OPCML: variants seen among roughly 807,000 people sequenced by gnomAD.
OPCML encodes opioid-binding protein/cell adhesion molecule.
In OPCML, 13 loss-of-function variants were observed where a neutral mutation model predicts 37.8. The observed-to-expected ratio is 0.34, with a 90% confidence interval of 0.22 to 0.55. The LOEUF (loss-of-function observed/expected upper bound fraction) is 0.55. Among genes scored for constraint, OPCML ranks in the 20% least tolerant of loss-of-function variants. The pLI, the probability that OPCML is intolerant of heterozygous loss-of-function variation, is 0.91. For missense variants in OPCML, 341 were observed against 435.6 expected (o/e 0.78, Z 1.93); for synonymous variants, 176 against 168.8 (o/e 1.04, Z -0.33).
At chr11:133,145,022 G>A (rs908514784) in intron 1 of OPCML, among the ~76,000 whole-genome samples, 1 of 152,218 alleles carries the variant, frequency 6.6e-6, no homozygotes, top group African/African-American at 2.4e-5. Flanking sequence ...GGCCAGATGG[G>A]AGCTGAGTCT....
intron 1 of OPCML, among the ~76,000 whole-genome samples, chr11:133,000,482 G>A (rs1161011424): frequency 6.6e-6 from 1 of 152,196 alleles, no homozygotes; most frequent in African/African-American, 2.4e-5. Context: ...CCTTGACCAA[G>A]CCAAGTACTT....
chr11:132,782,740 G>T (rs1267675445), intron 2 of OPCML, among the ~76,000 whole-genome samples: 1 of 151,852 alleles, frequency 6.6e-6, no homozygotes, highest in Non-Finnish European at 1.5e-5. Context: ...GGCTGAAGCG[G>T]AGTCATAGAA....
chr11:133,083,518 C>T (rs1450737796), intron 1 of OPCML, among the ~76,000 whole-genome samples: 1 of 152,246 alleles, frequency 6.6e-6, no homozygotes, highest in Non-Finnish European at 1.5e-5. Flanking sequence ...ATCCAGCGTG[C>T]CTGCTCCCAG....
intron 1 of OPCML, among the ~76,000 whole-genome samples, chr11:133,311,651 G>A (rs1430078010): frequency 6.6e-6 from 1 of 152,214 alleles, no homozygotes; most frequent in Non-Finnish European, 1.5e-5. Context: ...GGGAAGCTAA[G>A]ATGGAATGGG....
chr11:132,445,961 CT>C (rs1294420172), intron 4 of OPCML, among the ~76,000 whole-genome samples: 46 of 152,174 alleles, frequency 3.0e-4, no homozygotes, highest in Admixed American at 2.9e-3. Flanking sequence ...AAAAAGAAAT[CT>C]TGTGGTGGGG....
intron 3 of OPCML, among the ~76,000 whole-genome samples, chr11:132,543,632 C>G (rs1169021872): frequency 2.0e-5 from 3 of 152,122 alleles, no homozygotes; most frequent in Non-Finnish European, 4.4e-5. Context: ...AGGGATTCCA[C>G]TGGTTCTAAA....
At chr11:133,250,300 G>A (rs1426113018) in intron 1 of OPCML, among the ~76,000 whole-genome samples, 1 of 152,016 alleles carries the variant, frequency 6.6e-6, no homozygotes, top group East Asian at 1.9e-4. Context: ...TCAATGTTTT[G>A]GACAATTCCT....
At chr11:133,263,641 C>T (rs1220328826) in intron 1 of OPCML, among the ~76,000 whole-genome samples, 4 of 152,150 alleles carry the variant, frequency 2.6e-5, no homozygotes, top group South Asian at 2.1e-4. Context: ...TGGGTCCTCA[C>T]TTGTTTCTCA....
rs867341158 is a variant in OPCML, at chr11:133,289,402, C to T, written c.61+242862G>A. On this transcript the variant is annotated intron_variant, in intron 1 of 7. Transcript: ENST00000524381. ...CGAGGTCAGGAGATCGAGACCATCC[C>T]GGCTAAAACGGTGAAACCCCGTGTC... 5.3e-4 allele frequency among the ~76,000 whole-genome samples: 80 copies of T among 151,676 alleles called. No individual in the cohort carries two copies. The Middle Eastern group carries it at 0.014, about 26-fold the overall frequency.
intron 2 of OPCML, among the ~76,000 whole-genome samples, chr11:132,853,067 A>G (rs1297254382): frequency 6.6e-6 from 1 of 152,224 alleles, no homozygotes; most frequent in African/African-American, 2.4e-5. Flanking sequence ...TTCATGAAAC[A>G]CTGCTTTTCC....
At chr11:133,504,079 G>A (rs558435372) in intron 1 of OPCML, among the ~76,000 whole-genome samples, 36 of 152,204 alleles carry the variant, frequency 2.4e-4, no homozygotes, top group African/African-American at 6.7e-4. Flanking sequence ...AGCACTCTGC[G>A]GAGACTTGCT....
At chr11:132,606,044 T>G (rs1349616266) in intron 3 of OPCML, among the ~76,000 whole-genome samples, 11 of 152,148 alleles carry the variant, frequency 7.2e-5, no homozygotes, top group Non-Finnish European at 1.2e-4. Context: ...CTTGGGTCCT[T>G]TTTCTTCCTT....
intron 1 of OPCML, among the ~76,000 whole-genome samples, chr11:133,474,655 A>G (rs1401266198): frequency 6.6e-6 from 1 of 152,176 alleles, no homozygotes; most frequent in East Asian, 1.9e-4. Flanking sequence ...GGATTCTTGA[A>G]GGAGAGAAGG....
chr11:132,581,887 T>C (rs1034669881), intron 3 of OPCML, among the ~76,000 whole-genome samples: 1 of 152,092 alleles, frequency 6.6e-6, no homozygotes, highest in Non-Finnish European at 1.5e-5. Flanking sequence ...CCAGGTATTC[T>C]TATGAAGACA....
chr11:132,584,632 C>G (rs2096468720), intron 3 of OPCML, among the ~76,000 whole-genome samples: 1 of 152,114 alleles, frequency 6.6e-6, no homozygotes, highest in Non-Finnish European at 1.5e-5. Context: ...AATGTGGTTA[C>G]AGAACTGGGC....
chr11:133,155,838 C>A (rs544890236), intron 1 of OPCML, among the ~76,000 whole-genome samples: 1 of 152,264 alleles, frequency 6.6e-6, no homozygotes, highest in South Asian at 2.1e-4. Context: ...TTTCCAGAAT[C>A]AGAATCCTGG....
intron 1 of OPCML, among the ~76,000 whole-genome samples, chr11:132,999,650 A>ACGAG (rs1437154382): frequency 6.6e-6 from 1 of 152,074 alleles, no homozygotes; most frequent in Non-Finnish European, 1.5e-5. Context: ...GCGTGCTGCC[A>ACGAG]CGAGCGTGCC....
intron 4 of OPCML, among the ~76,000 whole-genome samples, chr11:132,522,966 C>T (rs992989279): frequency 5.3e-5 from 8 of 152,168 alleles, no homozygotes; most frequent in South Asian, 2.1e-4. Context: ...GACAGAGTTT[C>T]GCTTTTATCA....
At chr11:132,662,250 C>A (rs563330120) in intron 2 of OPCML, among the ~76,000 whole-genome samples, 9 of 152,140 alleles carry the variant, frequency 5.9e-5, no homozygotes, top group Non-Finnish European at 8.8e-5. Context: ...CCGGATACTG[C>A]GGCTCTGGGG....
Sources: gnomAD v4.1 joint callset for allele counts (sites outside exome capture counted in the v4.1 genomes callset) on GRCh38, gnomAD v4.1.1 for gene constraint, MANE v1.5 for transcripts, NCBI Gene and HGNC (gene_info 2026-07-23, HGNC 2026-07-21) for gene names.